Variants in DOK6 observed in about 807,000 individuals in gnomAD.
DOK6 encodes docking protein 6, also known as downstream of tyrosine kinase 6.
Under a neutral mutation model 44.0 loss-of-function variants are expected in DOK6, and 22 were observed. The observed-to-expected ratio is 0.50, with a 90% CI of 0.36 to 0.71. The LOEUF (loss-of-function observed/expected upper bound fraction) is 0.71. Among genes scored for constraint, DOK6 ranks in the 30% least tolerant of loss-of-function variants. The pLI is 0.00. For missense variants in DOK6, 340 were observed against 416.4 expected (o/e 0.82, Z 1.60); for synonymous variants, 166 against 145.5 (o/e 1.14, Z -1.01).
intron 1 of DOK6, among the ~76,000 whole-genome samples, chr18:69,465,995 C>T (rs574034150): frequency 7.9e-4 from 121 of 152,234 alleles, no homozygotes; most frequent in Non-Finnish European, 1.5e-3. Flanking sequence ...GCTTACTAAA[C>T]TTTCACCTGA....
chr18:69,848,148 A>G lies in DOK6; in HGVS notation c.*6765A>G, dbSNP rs1374210658. The G allele has an allele frequency of 1.3e-5, 2 of 152,044 alleles. No homozygotes were observed. The highest frequency in any genetic ancestry group is 4.8e-5 in the African/African-American group (2 of 41,390). The allele number at this position is 152,044 out of a possible 1,614,324, so 9.4% of individuals were successfully genotyped here. On this transcript the variant is annotated 3_prime_UTR_variant, in exon 8 of 8. Coordinates refer to ENST00000382713, the MANE Select transcript of DOK6 (RefSeq NM_152721.6). ...CACACAGAATTACCCCATCCTGCAA[A>G]ATCCTTATCCCTATGAATCTCTAAA...
At chr18:69,723,688 A>G (rs1978293368) in intron 5 of DOK6, among the ~76,000 whole-genome samples, 1 of 152,226 alleles carries the variant, frequency 6.6e-6, no homozygotes, top group African/African-American at 2.4e-5. Context: ...ATTGCTCATA[A>G]TCACACTGAT....
intron 2 of DOK6, among the ~76,000 whole-genome samples, chr18:69,585,981 GT>G (rs1983490295): frequency 6.6e-6 from 1 of 152,168 alleles, no homozygotes; most frequent in South Asian, 2.1e-4. Context: ...TGTTGTCAGT[GT>G]TTTTCATGCC....
intron 2 of DOK6, among the ~76,000 whole-genome samples, chr18:69,583,847 G>A (rs1404815826): frequency 2.0e-5 from 3 of 151,954 alleles, no homozygotes; most frequent in African/African-American, 4.8e-5. Context: ...GGTGGCTCAC[G>A]CCTATAATCC....
rs1034212857 is a variant in DOK6, at chr18:69,597,428, A to G, written c.175-1956A>G. Among the ~76,000 whole-genome samples, 6 of 152,262 alleles carry G rather than the reference A, an allele frequency of 3.9e-5. No individual in the cohort carries two copies. The South Asian group carries it at 1.0e-3, about 26-fold the overall frequency. ...TACCTCGTTTTATTGTTGCTCTTTA[A>G]AGATATCTGATTGCTAATAATGAAC... On this transcript the variant is annotated intron_variant, in intron 2 of 7. Transcript: ENST00000382713.
intron 5 of DOK6, among the ~76,000 whole-genome samples, chr18:69,728,233 A>AGGTCTCTAGATAGGT (rs1978320784): frequency 6.6e-6 from 1 of 152,188 alleles, no homozygotes; most frequent in African/African-American, 2.4e-5. Flanking sequence ...ACCTATCTAG[A>AGGTCTCTAGATAGGT]GACCAATTTA....
intron 7 of DOK6, among the ~76,000 whole-genome samples, chr18:69,765,507 A>G (rs1214695529): frequency 6.6e-6 from 1 of 152,190 alleles, no homozygotes; most frequent in Admixed American, 6.5e-5. Flanking sequence ...CTGTGAAATG[A>G]TCCTCACATC....
intron 2 of DOK6, among the ~76,000 whole-genome samples, chr18:69,587,244 G>T (rs958249199): frequency 2.0e-5 from 3 of 152,088 alleles, no homozygotes; most frequent in African/African-American, 7.2e-5. Context: ...CAAGGTGTCT[G>T]CGGGGCCACA....
At chr18:69,714,467 T>G (rs1242519289) in intron 5 of DOK6, among the ~76,000 whole-genome samples, 2 of 152,200 alleles carry the variant, frequency 1.3e-5, no homozygotes, top group Non-Finnish European at 2.9e-5. Context: ...AACTTGATGT[T>G]TAGTAAATTC....
chr18:69,717,093 G>C (rs1043227929), intron 5 of DOK6, among the ~76,000 whole-genome samples: 1 of 151,944 alleles, frequency 6.6e-6, no homozygotes, highest in East Asian at 1.9e-4. Context: ...TATTTTAGTC[G>C]ATTGCTTTAT....
At chr18:69,461,989 C>T (rs1234006614) in intron 1 of DOK6, among the ~76,000 whole-genome samples, 1 of 152,152 alleles carries the variant, frequency 6.6e-6, no homozygotes, top group East Asian at 1.9e-4. Flanking sequence ...TCCTTTTGTC[C>T]AGACTACTTT....
intron 7 of DOK6, among the ~76,000 whole-genome samples, chr18:69,758,801 G>A (rs1254979442): frequency 6.6e-6 from 1 of 152,204 alleles, no homozygotes; most frequent in Non-Finnish European, 1.5e-5. Context: ...TAGACATTCA[G>A]ACTGTGTTTT....
intron 2 of DOK6, among the ~76,000 whole-genome samples, chr18:69,595,788 A>C (rs78453526): frequency 0.011 from 1,719 of 152,250 alleles, 24 homozygotes; most frequent in African/African-American, 0.039. Context: ...GGTGCAAAAA[A>C]TTTTTAATCC....
intron 1 of DOK6, among the ~76,000 whole-genome samples, chr18:69,522,302 ACTT>A (rs1443109543): frequency 6.6e-6 from 1 of 152,002 alleles, no homozygotes; most frequent in East Asian, 1.9e-4. Context: ...AGGGATCAGT[ACTT>A]CAACTTCGGA....
chr18:69,426,964 C>G (rs1444363974), intron 1 of DOK6, among the ~76,000 whole-genome samples: 1 of 152,116 alleles, frequency 6.6e-6, no homozygotes, highest in East Asian at 1.9e-4. Context: ...TAGTGCCCAT[C>G]AGTTATTTTT....
intron 7 of DOK6, among the ~76,000 whole-genome samples, chr18:69,793,482 A>G (rs1455936623): frequency 2.0e-5 from 3 of 152,184 alleles, no homozygotes; most frequent in African/African-American, 7.2e-5. Context: ...CTTTAGTTCC[A>G]CACAACTCCA....
At chr18:69,510,341 A>C (rs1981330935) in intron 1 of DOK6, among the ~76,000 whole-genome samples, 1 of 152,160 alleles carries the variant, frequency 6.6e-6, no homozygotes, top group African/African-American at 2.4e-5. Flanking sequence ...AAACATCTTC[A>C]ATCACTTACC....
At chr18:69,669,731 T>G (rs1985749870) in intron 3 of DOK6, among the ~76,000 whole-genome samples, 2 of 152,202 alleles carry the variant, frequency 1.3e-5, no homozygotes, top group South Asian at 4.1e-4. Flanking sequence ...CAGCATTCTC[T>G]GCCTTGAGAT....
At chr18:69,599,523 C>T (rs1983824904) in intron 3 of DOK6, 25 bp downstream of exon 3, 9 of 1,594,808 alleles carry the variant, frequency 5.6e-6, no homozygotes, top group Non-Finnish European at 7.7e-6. Flanking sequence ...GCCATCTACC[C>T]CTTGAGGAAA....
Sources: allele counts gnomAD v4.1 joint callset (sites outside exome capture counted in the v4.1 genomes callset), GRCh38; gene constraint gnomAD v4.1.1; transcripts MANE v1.5; gene names NCBI Gene and HGNC (gene_info 2026-07-23, HGNC 2026-07-21).